The following WWP2 variants were observed in gnomAD, a reference collection of about 807,000 sequenced individuals.
WWP2 encodes the protein WW domain containing E3 ubiquitin protein ligase 2.
Under a neutral mutation model 121.0 loss-of-function variants are expected in WWP2, and 57 were observed. The observed-to-expected ratio is 0.47, with a 90% CI of 0.38 to 0.59. The LOEUF (loss-of-function observed/expected upper bound fraction) is 0.59. WWP2 is among the 20% of genes least tolerant of loss of function. The probability of loss-of-function intolerance (pLI) is 0.00; values close to 1 mark genes in which losing one functional copy is unlikely to be tolerated. For synonymous variants in WWP2, 449 were observed against 441.3 expected, an observed-to-expected ratio of 1.02 and a Z score of -0.22; for missense variants, 962 against 1,158.9, an observed-to-expected ratio of 0.83 and a Z score of 2.47.
At chr16:69,919,726 G>A (rs2058530678) in intron 10 of WWP2, among the ~76,000 whole-genome samples, 1 of 151,284 alleles carries the variant, frequency 6.6e-6, no homozygotes, top group Admixed American at 6.6e-5. Flanking sequence ...ATCTACAGCA[G>A]AACTAACACA....
chr16:69,769,472 A>G (rs1045037727), intron 1 of WWP2, among the ~76,000 whole-genome samples: 8 of 152,194 alleles, frequency 5.3e-5, no homozygotes, highest in Non-Finnish European at 8.8e-5. Context: ...GAAATAAAAT[A>G]TTGATACTGG....
At chr16:69,912,865 T>G (rs11645233) in intron 9 of WWP2, among the ~76,000 whole-genome samples, 1 of 131,352 alleles carries the variant, frequency 7.6e-6, no homozygotes, top group East Asian at 2.2e-4. Context: ...GAGGATCGCT[T>G]GAGTCCAGGA....
chr16:69,858,428 C>A (rs1438220076), intron 6 of WWP2, among the ~76,000 whole-genome samples: 1 of 152,128 alleles, frequency 6.6e-6, no homozygotes, highest in African/African-American at 2.4e-5. Flanking sequence ...GCCAAAACTT[C>A]TGGGTGGGTC....
At chr16:69,927,245 A>G (rs760840562) in intron 11 of WWP2, among the ~76,000 whole-genome samples, 4 of 151,626 alleles carry the variant, frequency 2.6e-5, no homozygotes, top group Non-Finnish European at 4.4e-5. Flanking sequence ...CCGGCTCCCC[A>G]GGGCTCACCG....
In WWP2 at chr16:69,941,399, G is replaced by C. The variant is rs1172877530; in HGVS notation, c.*1459G>C. 6.5e-6 allele frequency: 1 copy of C among 154,014 alleles called. No homozygotes were observed. Among genetic ancestry groups the C allele is most frequent in the Non-Finnish European group, 1.5e-5 (1 of 68,248 alleles). 9.5% of individuals were successfully genotyped at this position (154,014 alleles called of 1,614,324 possible). ...ACCTTCCCCCGGCCCGGGAGGTGCA[G>C]CCTGCGTCTGCCTCTGTCGTGTGTG... On this transcript the variant is annotated 3_prime_UTR_variant, in exon 24 of 24. Coordinates refer to ENST00000359154, the MANE Select transcript of WWP2 (RefSeq NM_001270454.2).
rs143436992 is a variant in WWP2 at position 69,865,664 on chromosome 16, A to G, written c.576-6140A>G. Among the ~76,000 whole-genome samples the G allele has an allele frequency of 7.0e-3, 1,069 of 152,324 alleles. 10 individuals carry two copies. Among genetic ancestry groups the G allele is most frequent in the African/African-American group, 0.024 (1,010 of 41,572 alleles). On this transcript the variant is annotated intron_variant, in intron 6 of 23. Coordinates refer to ENST00000359154, the MANE Select transcript of WWP2 (RefSeq NM_001270454.2). Reference sequence around the variant, plus strand: ...TCAGGTTATAGGAGAAGCTATAAATATTTATGAAGGGGACACACATGCATG... The same window carrying G: ...TCAGGTTATAGGAGAAGCTATAAATGTTTATGAAGGGGACACACATGCATG...
intron 5 of WWP2, 81 bp from the exon 6 acceptor site, chr16:69,841,943 T>C: frequency 7.1e-7 from 1 of 1,405,230 alleles, no homozygotes; most frequent in Non-Finnish European, 9.8e-7. Context: ...CAGACGGAGT[T>C]CTGTTCCTGG....
chr16:69,907,300 A>T (rs12102498), intron 8 of WWP2, among the ~76,000 whole-genome samples: 7,088 of 152,294 alleles, frequency 0.047, 225 homozygotes, highest in South Asian at 0.086. Flanking sequence ...TTCTGTGTTC[A>T]TCTAGTGTTT....
At position 69,937,722 on chromosome 16, in the gene WWP2, G is replaced by T; in HGVS notation, c.2343+70G>T. 2 of 1,481,688 alleles carry T rather than the reference G, an allele frequency of 1.3e-6. No individual in the cohort carries two copies. Among genetic ancestry groups the T allele is most frequent in the South Asian group, 2.3e-5 (2 of 86,374 alleles). 91.8% of individuals were successfully genotyped at this position (1,481,688 alleles called of 1,614,324 possible). Reference sequence around the variant, plus strand: ...ACCAAAGGAAACGGGTCCTGAGGAGGCCTCACGCGCAAGGACCTTCAGCTT... The same window carrying T: ...ACCAAAGGAAACGGGTCCTGAGGAGTCCTCACGCGCAAGGACCTTCAGCTT... On this transcript the variant is annotated intron_variant, in intron 21 of 23. Transcript: ENST00000359154. The surrounding 1 kb of genome is among the most constrained non-coding windows in gnomAD (Gnocchi z 6.6).
intron 7 of WWP2, among the ~76,000 whole-genome samples, chr16:69,884,914 A>G (rs1284066370): frequency 1.3e-5 from 2 of 152,190 alleles, no homozygotes; most frequent in African/African-American, 2.4e-5. Flanking sequence ...GAATTAGAAT[A>G]TTACTATTTT....
At chr16:69,933,084 G>GT in intron 16 of WWP2, 1 of 505,544 alleles carries the variant, frequency 2.0e-6, no homozygotes, top group South Asian at 1.5e-5. Flanking sequence ...CCCTGTGTGT[G>GT]TCTCTCTCTG....
chr16:69,939,254 C>G (rs773420173), intron 22 of WWP2, 87 bp from the exon 23 acceptor site: 2 of 1,580,654 alleles, frequency 1.3e-6, no homozygotes, highest in South Asian at 2.2e-5. Context: ...ATCCTGGGGC[C>G]GAGCCCATCT....
chr16:69,927,236 C>T (rs185963387), intron 11 of WWP2, among the ~76,000 whole-genome samples: 16 of 151,968 alleles, frequency 1.1e-4, no homozygotes, highest in South Asian at 8.3e-4. Context: ...TGGCTGGGGC[C>T]GGCTCCCCAG....
intron 6 of WWP2, among the ~76,000 whole-genome samples, chr16:69,857,059 C>G (rs1362103312): frequency 6.6e-6 from 1 of 151,942 alleles, no homozygotes; most frequent in Non-Finnish European, 1.5e-5. Context: ...TTGTTAATTT[C>G]TGTCTGTCCT....
rs77414179 is a variant in WWP2 at position 69,909,487 on chromosome 16, G to A, written c.1004+637G>A. 1,205 of 985,450 alleles carry A rather than the reference G, an allele frequency of 1.2e-3. 13 individuals are homozygous for A. The African/African-American group carries it at 0.02, about 16-fold the overall frequency. 61.0% of individuals were successfully genotyped at this position (985,450 alleles called of 1,614,324 possible). A position where few individuals can be genotyped will look rare whatever the true frequency, so the allele number is the denominator to read the frequency against. On this transcript the variant is annotated intron_variant, in intron 9 of 23. Transcript: ENST00000359154. ...GCCCTGTTTGGTTCAGCTGTCAGGC[G>A]TGTGCCACACACATCCCACCTCATC...
chr16:69,793,911 CTTTTTTTTTTT>C (rs71151135), intron 2 of WWP2, among the ~76,000 whole-genome samples: 3 of 62,312 alleles, frequency 4.8e-5, no homozygotes, highest in African/African-American at 1.9e-4. Context: ...ATTATCCTTG[CTTTTTTTTTTT>C]TTTTTTTTTT....
chr16:69,851,477 G>A (rs2057213087), intron 6 of WWP2, among the ~76,000 whole-genome samples: 1 of 151,990 alleles, frequency 6.6e-6, no homozygotes. Flanking sequence ...TTAGTAATTG[G>A]GATTTACGTT....
chr16:69,869,516 T>A (rs1048205128), intron 6 of WWP2, among the ~76,000 whole-genome samples: 1 of 151,990 alleles, frequency 6.6e-6, no homozygotes, highest in Non-Finnish European at 1.5e-5. Flanking sequence ...GCTAATTTTT[T>A]AAATTTTTTG....
At chr16:69,808,900 G>C (rs1246548904) in intron 4 of WWP2, among the ~76,000 whole-genome samples, 1 of 152,214 alleles carries the variant, frequency 6.6e-6, no homozygotes, top group African/African-American at 2.4e-5. Context: ...AGATCTAGGA[G>C]CTTTGGTTCA....
Sources: allele counts gnomAD v4.1 joint callset (sites outside exome capture counted in the v4.1 genomes callset), GRCh38; gene constraint gnomAD v4.1.1; non-coding constraint Gnocchi (gnomAD v3.1); transcripts MANE v1.5; gene names NCBI Gene and HGNC (gene_info 2026-07-23, HGNC 2026-07-21).